Variants in UBALD1 observed in about 807,000 individuals in gnomAD.
UBALD1 encodes the protein UBA-like domain-containing protein 1.
A neutral mutation model predicts 16.1 loss-of-function variants in UBALD1; 5 were observed. The ratio of observed to expected loss-of-function variants is 0.31; its 90% CI spans 0.16 to 0.66. UBALD1 has a LOEUF of 0.66. Among genes scored for constraint, UBALD1 ranks in the 30% least tolerant of loss-of-function variants. UBALD1 has a pLI of 0.77. For missense variants in UBALD1, 220 were observed against 252.8 expected, an observed-to-expected ratio of 0.87 and a Z score of 0.88; for synonymous variants, 146 against 105.3, an observed-to-expected ratio of 1.39 and a Z score of -2.37.
intron 1 of UBALD1, chr16:4,614,114 G>A (rs1292639106): frequency 1.7e-5 from 3 of 180,694 alleles, no homozygotes; most frequent in African/African-American, 2.3e-5. Flanking sequence ...CACACCAAAC[G>A]CACCAGGGGG....
rs531541598 is a variant in UBALD1, at chr16:4,609,862, G to T, written c.305C>A (p.Ala102Glu). Reference protein sequence around the residue: ...HSGGSGSPMAATATSPPPHFP... With the variant: ...HSGGSGSPMAETATSPPPHFP... ...GTGTGGCGGGGGTGACGTGGCTGTCGCGGCCATCGGGCTGCCGCTGCCACC... is the reference window on the plus strand; with the variant it reads ...GTGTGGCGGGGGTGACGTGGCTGTCTCGGCCATCGGGCTGCCGCTGCCACC... The change falls in exon 3 of 3, where the codon GCG becomes GAG. Residue 102 changes from alanine (A) to glutamate (E), a missense_variant. Physicochemically the swap from Ala to Glu is moderately radical, Grantham distance 107. Coordinates refer to ENST00000283474, the MANE Select transcript of UBALD1 (RefSeq NM_145253.3). 9.8e-6 allele frequency: 15 copies of T among 1,523,374 alleles called. No homozygotes were observed. The highest frequency in any genetic ancestry group is 3.5e-4 in the Middle Eastern group (2 of 5,734). 94.4% of individuals were successfully genotyped at this position (1,523,374 alleles called of 1,614,324 possible). A position where few individuals can be genotyped will look rare whatever the true frequency, so the allele number is the denominator to read the frequency against.
In UBALD1 at chr16:4,609,841, G is replaced by A. The variant is rs756951006; in HGVS notation, c.326C>T (p.Pro109Leu). ...PMAATATSPP[P>L]HFPHAATSSS... ...GCTGGTGGCGGCATGGGGGAAGTGT[G>A]GCGGGGGTGACGTGGCTGTCGCGGC... Residue 109 changes from proline (P) to leucine (L), a missense_variant, in exon 3 of 3, where the codon CCA (proline) becomes CTA (leucine). By Grantham distance (98) the Pro-to-Leu change is moderately conservative (BLOSUM62 -3). Transcript: ENST00000283474. The A allele has an allele frequency of 4.6e-6, 7 of 1,514,400 alleles. No individual in the cohort carries two copies. In the African/African-American group the frequency reaches 9.6e-5, roughly 21 times the overall value. 93.8% of individuals were successfully genotyped at this position (1,514,400 alleles called of 1,614,324 possible).
At chr16:4,610,253 G>A (rs777790494) in intron 2 of UBALD1, 10 of 713,028 alleles carry the variant, frequency 1.4e-5, no homozygotes, top group African/African-American at 1.2e-4. Context: ...CCCGGGGGCT[G>A]TAGGGTAAGG....
rs777309899 is a variant in UBALD1, at chr16:4,609,776, G to C, written c.391C>G (p.Pro131Ala). 55 of 1,508,420 alleles carry C rather than the reference G, an allele frequency of 3.6e-5. No homozygotes were observed. The highest frequency in any genetic ancestry group is 4.8e-5 in the Non-Finnish European group (54 of 1,132,030). The allele number at this position is 1,508,420 out of a possible 1,614,324, so 93.4% of individuals were successfully genotyped here. A position where few individuals can be genotyped will look rare whatever the true frequency, so the allele number is the denominator to read the frequency against. The stretch of plus-strand genomic sequence containing the variant: ...GGCTGGTGGTGCTGTGGGCCCCCCG[G>C]GGGCGAGGCCGCCGTGGGCCAGCTG... ...ASSWPTAASP[P>A]GGPQHHQPQP... The change falls in exon 3 of 3, where the codon CCG (proline) becomes GCG (alanine). Residue 131 changes from proline (P) to alanine (A), a missense_variant. Physicochemically the swap from Pro to Ala is conservative, Grantham distance 27. Coordinates refer to ENST00000283474, the MANE Select transcript of UBALD1 (RefSeq NM_145253.3).
At chr16:4,612,590 C>T (rs970414374) in intron 1 of UBALD1, among the ~76,000 whole-genome samples, 11 of 152,094 alleles carry the variant, frequency 7.2e-5, no homozygotes, top group African/African-American at 2.2e-4. Context: ...CTCTGCAGGC[C>T]GCTGTGAGCA....
rs1295111817 is a variant in UBALD1 at position 4,609,399 on chromosome 16, C to T, written c.*234G>A. On this transcript the variant is annotated 3_prime_UTR_variant, in exon 3 of 3. Transcript: ENST00000283474. ...TCTGAAGTTCTGTCCGCCAGGCACC[C>T]AGGCCGCGCTGAACCACTCCATGTG... The T allele has an allele frequency of 2.3e-5, 9 of 388,030 alleles. No homozygotes were observed. Among genetic ancestry groups the T allele is most frequent in the African/African-American group, 4.1e-5 (2 of 48,400 alleles). The allele number at this position is 388,030 out of a possible 1,614,324, so 24.0% of individuals were successfully genotyped here. A position where few individuals can be genotyped will look rare whatever the true frequency, so the allele number is the denominator to read the frequency against.
chr16:4,612,748 G>C (rs1261009662), intron 1 of UBALD1, among the ~76,000 whole-genome samples: 1 of 152,098 alleles, frequency 6.6e-6, no homozygotes, highest in Non-Finnish European at 1.5e-5. Context: ...AGAGGGATGG[G>C]GTGGCCATGT....
chr16:4,609,703 C>T lies in UBALD1; in HGVS notation c.464G>A (p.Trp155Ter). 6.8e-7 allele frequency: 1 copy of T among 1,470,150 alleles called. No individual in the cohort carries two copies. The allele number at this position is 1,470,150 out of a possible 1,614,324, so 91.1% of individuals were successfully genotyped here. A position where few individuals can be genotyped will look rare whatever the true frequency, so the allele number is the denominator to read the frequency against. The change falls in exon 3 of 3, where the codon TGG (tryptophan) becomes TAG (stop). Residue 155 changes from tryptophan to a stop codon, truncating the protein, a stop_gained. Coordinates refer to ENST00000283474, the MANE Select transcript of UBALD1 (RefSeq NM_145253.3). LOFTEE classifies it high-confidence loss of function. ...TPTPPSPASD[W>*]PPLAPQQATS... is the part of the protein sequence containing the mutation. Reference sequence around the variant, plus strand: ...GGCCTGTTGGGGGGCCAGGGGTGGCCAGTCTGAAGCCGGAGAAGGGGGTGT... The same window carrying T: ...GGCCTGTTGGGGGGCCAGGGGTGGCTAGTCTGAAGCCGGAGAAGGGGGTGT...
At chr16:4,614,514 G>C (rs772566415) in intron 1 of UBALD1, 164 bp downstream of exon 1, 4 of 1,207,082 alleles carry the variant, frequency 3.3e-6, no homozygotes, top group South Asian at 3.7e-5. Context: ...GCGAGCCCTT[G>C]GGATCCGGAC....
intron 2 of UBALD1, 28 bp downstream of exon 2, chr16:4,610,465 C>A (rs1897345458): frequency 6.3e-7 from 1 of 1,586,020 alleles, no homozygotes; most frequent in Middle Eastern, 1.7e-4. Context: ...CCGCCCAATC[C>A]AGAACTGGGG....
chr16:4,610,456 C>T lies in UBALD1; in HGVS notation c.183+37G>A, dbSNP rs752158415. On this transcript the variant is annotated intron_variant, in intron 2 of 2. Transcript: ENST00000283474. The stretch of plus-strand genomic sequence containing the variant: ...ACACAGAACTAGCTCGGCCTCCTTC[C>T]GCCCAATCCAGAACTGGGGACTCCG... The T allele has an allele frequency of 6.4e-6, 10 of 1,571,074 alleles. No individual in the cohort carries two copies. In the Admixed American group the frequency reaches 7.3e-5, roughly 12 times the overall value.
Position 4,609,998 on chromosome 16 carries a change from G to A in UBALD1, c.184-15C>T, listed in dbSNP as rs1350590119. On this transcript the variant is annotated splice_polypyrimidine_tract_variant and intron_variant, in intron 2 of 2. Transcript: ENST00000283474. ...GGGGTGCACATCTGTGAGGGGAAGA[G>A]AGGAGAGATGGGGTGAGCACCCCTT... The A allele has an allele frequency of 6.4e-7, 1 of 1,555,766 alleles. No homozygotes were observed. The highest frequency in any genetic ancestry group is 8.8e-7 in the Non-Finnish European group (1 of 1,142,424).
chr16:4,609,768 G>GC lies in UBALD1; in HGVS notation c.398dup (p.Gln135ThrfsTer215), dbSNP rs769006318. On this transcript the variant is annotated frameshift_variant, in exon 3 of 3. Coordinates refer to ENST00000283474, the MANE Select transcript of UBALD1 (RefSeq NM_145253.3). LOFTEE classifies it high-confidence loss of function. The stretch of plus-strand genomic sequence containing the variant: ...GCGGCTGTGGCTGGTGGTGCTGTGG[G>GC]CCCCCCGGGGGCGAGGCCGCCGTGG... 2.7e-6 allele frequency: 4 copies of GC among 1,505,532 alleles called. No homozygotes were observed. Among genetic ancestry groups the GC allele is most frequent in the Non-Finnish European group, 1.8e-6 (2 of 1,130,808 alleles). The allele number at this position is 1,505,532 out of a possible 1,614,324, so 93.3% of individuals were successfully genotyped here. A position where few individuals can be genotyped will look rare whatever the true frequency, so the allele number is the denominator to read the frequency against.
At chr16:4,610,140 G>C (rs750891190) in intron 2 of UBALD1, 157 bp from the exon 3 acceptor site, 7 of 751,518 alleles carry the variant, frequency 9.3e-6, no homozygotes, top group Admixed American at 2.0e-5. Flanking sequence ...GTTCCCAGAG[G>C]AGAAGCCTTG....
In UBALD1 at chr16:4,612,431, T is replaced by G. The variant is rs554941668; in HGVS notation, c.121-1876A>C. On this transcript the variant is annotated intron_variant, in intron 1 of 2. Transcript: ENST00000283474. The stretch of plus-strand genomic sequence containing the variant: ...AGGAGACACCCTATCTGGGTGTCCC[T>G]AAACAGGGGTGTGGGAGCTCAGGCA... Among the ~76,000 whole-genome samples, 3 of 152,192 alleles carry G rather than the reference T, an allele frequency of 2.0e-5. No homozygotes were observed. The East Asian group carries it at 5.8e-4, about 29-fold the overall frequency.
intron 2 of UBALD1, 157 bp from the exon 3 acceptor site, chr16:4,610,140 G>T (rs750891190): frequency 1.3e-6 from 1 of 751,400 alleles, no homozygotes; most frequent in African/African-American, 1.7e-5. Context: ...GTTCCCAGAG[G>T]AGAAGCCTTG....
rs142066498 is a variant in UBALD1, at chr16:4,610,160, G to C, written c.184-177C>G. 7.5e-4 allele frequency: 544 copies of C among 729,260 alleles called. 5 individuals carry two copies. The African/African-American group carries it at 7.7e-3, about 10-fold the overall frequency. 45.2% of individuals were successfully genotyped at this position (729,260 alleles called of 1,614,324 possible). On this transcript the variant is annotated intron_variant, in intron 2 of 2. Coordinates refer to ENST00000283474, the MANE Select transcript of UBALD1 (RefSeq NM_145253.3). ...CAGAGGAGAAGCCTTGAGATGAACC[G>C]ACCCAGCCTCACTCTCAGGAGCCCA...
Position 4,609,778 on chromosome 16 carries a change from G to C in UBALD1, c.389C>G (p.Pro130Arg). Residue 130 changes from proline to arginine, a missense_variant, in exon 3 of 3, where the codon CCC becomes CGC. Physicochemically the swap from Pro to Arg is moderately radical, Grantham distance 103. Around this residue, in one of 2 missense-constraint regions of UBALD1, gnomAD observed 151 missense variants for 132.6 expected, o/e 1.14. Coordinates refer to ENST00000283474, the MANE Select transcript of UBALD1 (RefSeq NM_145253.3). The stretch of plus-strand genomic sequence containing the variant: ...CTGGTGGTGCTGTGGGCCCCCCGGG[G>C]GCGAGGCCGCCGTGGGCCAGCTGGA... ...AASSWPTAAS[P>R]PGGPQHHQPQ... 1 of 1,508,650 alleles carries C rather than the reference G, an allele frequency of 6.6e-7. No individual in the cohort carries two copies. The highest frequency in any genetic ancestry group is 8.8e-7 in the Non-Finnish European group (1 of 1,132,016). The allele number at this position is 1,508,650 out of a possible 1,614,324, so 93.5% of individuals were successfully genotyped here.
At chr16:4,614,326 G>A in intron 1 of UBALD1, 1 of 366,084 alleles carries the variant, frequency 2.7e-6, no homozygotes, top group South Asian at 1.3e-4. Context: ...CGAGGCCTGG[G>A]GCGTCCTCCT....
Sources: allele counts gnomAD v4.1 joint callset (sites outside exome capture counted in the v4.1 genomes callset), GRCh38; gene constraint gnomAD v4.1.1; regional missense constraint gnomAD v4.1.1; transcripts MANE v1.5; gene names NCBI Gene and HGNC (gene_info 2026-07-23, HGNC 2026-07-21).